PLEKHA7: variants seen among roughly 807,000 people sequenced by gnomAD.
The protein encoded by PLEKHA7 is pleckstrin homology domain containing A7.
PLEKHA7 carries 104 observed loss-of-function variants against 170.0 expected under a neutral mutation model. That is an observed-to-expected ratio of 0.61 (90% confidence interval 0.52 to 0.72). The LOEUF (loss-of-function observed/expected upper bound fraction) is 0.72. Among genes scored for constraint, PLEKHA7 ranks in the 30% least tolerant of loss-of-function variants. PLEKHA7 has a pLI of 0.00. For missense variants in PLEKHA7, 1,615 were observed against 1,671.7 expected, an observed-to-expected ratio of 0.97 and a Z score of 0.59; for synonymous variants, 648 against 660.8, an observed-to-expected ratio of 0.98 and a Z score of 0.30.
At chr11:16,970,673 A>T (rs980847044) in intron 3 of PLEKHA7, among the ~76,000 whole-genome samples, 1 of 147,300 alleles carries the variant, frequency 6.8e-6, no homozygotes, top group African/African-American at 2.7e-5. Context: ...TCTCAAAAAA[A>T]AACAAAAACA....
intron 9 of PLEKHA7, among the ~76,000 whole-genome samples, chr11:16,839,572 A>G (rs942471977): frequency 1.3e-5 from 2 of 151,876 alleles, no homozygotes; most frequent in Non-Finnish European, 2.9e-5. Context: ...ATATTTAGAG[A>G]GGGAAAAAAG....
At chr11:16,915,573 T>C (rs1224035906) in intron 3 of PLEKHA7, among the ~76,000 whole-genome samples, 2 of 141,500 alleles carry the variant, frequency 1.4e-5, no homozygotes, top group Non-Finnish European at 3.0e-5. Flanking sequence ...CCATGTGCTC[T>C]CATTGTTCAA....
At chr11:16,913,975 TA>T (rs1428613220) in intron 3 of PLEKHA7, among the ~76,000 whole-genome samples, 1 of 152,224 alleles carries the variant, frequency 6.6e-6, no homozygotes, top group Non-Finnish European at 1.5e-5. Flanking sequence ...TTATGTATTT[TA>T]GGAGAAAAGT....
intron 8 of PLEKHA7, among the ~76,000 whole-genome samples, chr11:16,849,486 G>C (rs188297921): frequency 9.8e-5 from 15 of 152,320 alleles, no homozygotes; most frequent in African/African-American, 3.6e-4. Flanking sequence ...TCAGAGTCAG[G>C]AATAAGTTTC....
intron 26 of PLEKHA7, among the ~76,000 whole-genome samples, chr11:16,781,565 G>GAACA (rs1849024439): frequency 1.3e-5 from 2 of 152,162 alleles, no homozygotes; most frequent in African/African-American, 4.8e-5. Context: ...CCTAATCCCA[G>GAACA]AACACCACAC....
chr11:16,914,665 G>A (rs529579770), intron 3 of PLEKHA7, among the ~76,000 whole-genome samples: 14 of 152,254 alleles, frequency 9.2e-5, no homozygotes, highest in East Asian at 3.9e-4. Flanking sequence ...GATTAACCCC[G>A]GGAAATACTA....
chr11:16,938,775 T>C (rs1175829149), intron 3 of PLEKHA7, among the ~76,000 whole-genome samples: 1 of 152,196 alleles, frequency 6.6e-6, no homozygotes, highest in Non-Finnish European at 1.5e-5. Context: ...TAGAATGCTT[T>C]AGGAATAAAA....
chr11:16,830,698 T>G (rs1851036254), intron 9 of PLEKHA7, among the ~76,000 whole-genome samples: 1 of 152,204 alleles, frequency 6.6e-6, no homozygotes, highest in African/African-American at 2.4e-5. Context: ...TCACCATGTA[T>G]TTACCAAGCA....
intron 3 of PLEKHA7, among the ~76,000 whole-genome samples, chr11:16,941,957 T>TG (rs1444368475): frequency 1.3e-5 from 2 of 152,278 alleles, no homozygotes. Flanking sequence ...TGTTCACTGC[T>TG]GTACCCCAGT....
At chr11:16,880,350 CTGAGTT>C (rs1855618629) in intron 3 of PLEKHA7, among the ~76,000 whole-genome samples, 1 of 152,294 alleles carries the variant, frequency 6.6e-6, no homozygotes, top group South Asian at 2.1e-4. Context: ...AGTGGCTTTT[CTGAGTT>C]TATCTGTAAA....
chr11:16,824,874 C>T (rs1370171807), intron 10 of PLEKHA7, among the ~76,000 whole-genome samples: 1 of 152,220 alleles, frequency 6.6e-6, no homozygotes, highest in African/African-American at 2.4e-5. Flanking sequence ...CTTACAACCA[C>T]CTACCAGGGG....
chr11:16,891,387 T>C (rs1222210934), intron 3 of PLEKHA7, among the ~76,000 whole-genome samples: 1 of 152,110 alleles, frequency 6.6e-6, no homozygotes, highest in Non-Finnish European at 1.5e-5. Context: ...ATGCCAAGAA[T>C]TGCTGGCAGC....
At chr11:16,984,393 A>G (rs936850972) in intron 3 of PLEKHA7, among the ~76,000 whole-genome samples, 2 of 152,090 alleles carry the variant, frequency 1.3e-5, no homozygotes, top group African/African-American at 4.8e-5. Flanking sequence ...AAAGCCTTCC[A>G]TTGTTCAAAG....
At chr11:16,830,284 T>C (rs1341459640) in intron 9 of PLEKHA7, among the ~76,000 whole-genome samples, 1 of 152,100 alleles carries the variant, frequency 6.6e-6, no homozygotes, top group Non-Finnish European at 1.5e-5. Context: ...GTGCCAGGCC[T>C]ATTTTCTTTA....
At chr11:16,907,834 G>A (rs1299936953) in intron 3 of PLEKHA7, among the ~76,000 whole-genome samples, 2,051 of 139,976 alleles carry the variant, frequency 0.015, no homozygotes, top group African/African-American at 0.059. Flanking sequence ...GGGGAAAGGT[G>A]GGGAAAAGAT....
chr11:16,910,351 C>T (rs1421632816), intron 3 of PLEKHA7, among the ~76,000 whole-genome samples: 1 of 152,190 alleles, frequency 6.6e-6, no homozygotes, highest in African/African-American at 2.4e-5. Flanking sequence ...AGTCCAAAGT[C>T]AGTGATCTTT....
At chr11:17,000,045 A>G (rs1864572983) in intron 3 of PLEKHA7, among the ~76,000 whole-genome samples, 1 of 152,156 alleles carries the variant, frequency 6.6e-6, no homozygotes, top group African/African-American at 2.4e-5. Flanking sequence ...GGGAGTATAA[A>G]TCAAATGTGT....
chr11:16,981,875 G>A (rs1038758956), intron 3 of PLEKHA7, among the ~76,000 whole-genome samples: 2 of 152,174 alleles, frequency 1.3e-5, no homozygotes, highest in African/African-American at 2.4e-5. Flanking sequence ...TGTCGTCATG[G>A]AGCCGGAATG....
intron 3 of PLEKHA7, among the ~76,000 whole-genome samples, chr11:16,997,941 G>A (rs936916813): frequency 2.6e-5 from 4 of 152,196 alleles, no homozygotes; most frequent in Admixed American, 1.3e-4. Flanking sequence ...GACAGGCCAA[G>A]CTGGACAGAG....
Sources: gnomAD v4.1 joint callset for allele counts (sites outside exome capture counted in the v4.1 genomes callset) on GRCh38, gnomAD v4.1.1 for gene constraint, MANE v1.5 for transcripts, NCBI Gene and HGNC (gene_info 2026-07-23, HGNC 2026-07-21) for gene names.